The following KAZN variants were observed in gnomAD, a reference collection of about 807,000 sequenced individuals.
KAZN encodes the protein kazrin, periplakin interacting protein.
In KAZN, 40 loss-of-function variants were observed where a neutral mutation model predicts 87.4. The ratio of observed to expected loss-of-function variants is 0.46; its 90% CI spans 0.36 to 0.60. The LOEUF is 0.60. Among genes scored for constraint, KAZN ranks in the 20% least tolerant of loss-of-function variants. The pLI is 0.00. For synonymous variants in KAZN, 466 were observed against 458.3 expected (o/e 1.02, Z -0.22); for missense variants, 898 against 1,073.9 (o/e 0.84, Z 2.29).
At chr1:14,054,862 T>C (rs1293178322) in intron 1 of KAZN, among the ~76,000 whole-genome samples, 1 of 152,170 alleles carries the variant, frequency 6.6e-6, no homozygotes, top group African/African-American at 2.4e-5. Context: ...AGGAGACAAA[T>C]TATTTTAATG....
intron 2 of KAZN, among the ~76,000 whole-genome samples, chr1:14,264,918 T>G (rs1412885885): frequency 2.0e-5 from 3 of 152,236 alleles, no homozygotes; most frequent in African/African-American, 7.2e-5. Context: ...TTGTTACATC[T>G]GCAAAGTCTC....
At chr1:14,017,476 A>T (rs114446657) in intron 1 of KAZN, among the ~76,000 whole-genome samples, 2,692 of 152,316 alleles carry the variant, frequency 0.018, 82 homozygotes, top group African/African-American at 0.062. Context: ...GTTCTTTTCT[A>T]TGACCCAGTG....
At chr1:14,837,824 G>A (rs1363772833) in intron 1 of KAZN, among the ~76,000 whole-genome samples, 1 of 151,914 alleles carries the variant, frequency 6.6e-6, no homozygotes, top group Non-Finnish European at 1.5e-5. Context: ...CAAAGTGCTG[G>A]GATTACAGGC....
intron 1 of KAZN, among the ~76,000 whole-genome samples, chr1:13,976,317 A>C (rs1417459715): frequency 2.6e-5 from 4 of 152,208 alleles, no homozygotes; most frequent in Admixed American, 2.0e-4. Flanking sequence ...TTAATAAGTC[A>C]ATCTGTCCTT....
intron 2 of KAZN, among the ~76,000 whole-genome samples, chr1:14,513,450 C>A (rs1351522103): frequency 2.0e-5 from 3 of 152,168 alleles, no homozygotes; most frequent in Non-Finnish European, 4.4e-5. Context: ...CAAAACCCAA[C>A]AAGCTTGTGT....
At chr1:14,048,220 T>C (rs1361108884) in intron 1 of KAZN, among the ~76,000 whole-genome samples, 1 of 152,190 alleles carries the variant, frequency 6.6e-6, no homozygotes, top group African/African-American at 2.4e-5. Context: ...GGAGGAATTC[T>C]CATCAATTCC....
chr1:14,418,909 G>T (rs1454048960), intron 2 of KAZN, among the ~76,000 whole-genome samples: 1 of 152,210 alleles, frequency 6.6e-6, no homozygotes, highest in African/African-American at 2.4e-5. Flanking sequence ...CAGAAATGAT[G>T]GCTGGATGGG....
In KAZN at chr1:14,458,483, A is replaced by C. The variant is rs570750504; in HGVS notation, c.250-140500A>C. On this transcript the variant is annotated intron_variant, in intron 2 of 16. Coordinates refer to the KAZN transcript ENST00000636203. ...GTAATCTTGGCCAGTGCTATGACAAACAGCAATGGTAATGGTGGTTATTCT... is the reference window on the plus strand; with the variant it reads ...GTAATCTTGGCCAGTGCTATGACAACCAGCAATGGTAATGGTGGTTATTCT... 2.6e-5 allele frequency among the ~76,000 whole-genome samples: 4 copies of C among 152,204 alleles called. No homozygotes were observed. In the South Asian group the frequency reaches 8.3e-4, roughly 32 times the overall value.
chr1:14,609,960 G>A (rs1557834672), intron 1 of KAZN, among the ~76,000 whole-genome samples: 1 of 152,248 alleles, frequency 6.6e-6, no homozygotes, highest in Non-Finnish European at 1.5e-5. Flanking sequence ...GCTGGGTGAA[G>A]TCTGACCTTC....
chr1:14,402,592 C>G (rs745971008), intron 2 of KAZN, among the ~76,000 whole-genome samples: 7 of 152,102 alleles, frequency 4.6e-5, no homozygotes, highest in Non-Finnish European at 1.0e-4. Context: ...ATGTTATAAT[C>G]AAAGTCCTGA....
chr1:14,528,358 A>AAG (rs1672022069), intron 2 of KAZN, among the ~76,000 whole-genome samples: 1 of 142,652 alleles, frequency 7.0e-6, no homozygotes, highest in Non-Finnish European at 1.5e-5. Flanking sequence ...AAAAAAAAAA[A>AAG]AAAGAAAGAA....
At chr1:14,267,683 C>A (rs945277444) in intron 2 of KAZN, among the ~76,000 whole-genome samples, 9 of 152,106 alleles carry the variant, frequency 5.9e-5, no homozygotes, top group African/African-American at 2.2e-4. Flanking sequence ...CCCAGAAAAG[C>A]TATAATGTGT....
At chr1:14,640,084 G>C (rs776708171) in intron 1 of KAZN, among the ~76,000 whole-genome samples, 17 of 152,196 alleles carry the variant, frequency 1.1e-4, no homozygotes, top group Non-Finnish European at 2.4e-4. Context: ...CTCTGGGTTT[G>C]TTGGGCCTGA....
chr1:14,597,347 T>C (rs1333016561), upstream of KAZN, among the ~76,000 whole-genome samples: 2 of 152,146 alleles, frequency 1.3e-5, no homozygotes, highest in Non-Finnish European at 2.9e-5. Context: ...AGACTGTTTT[T>C]ATGGTTCCAC....
intron 3 of KAZN, among the ~76,000 whole-genome samples, chr1:15,037,108 A>C (rs1573135498): frequency 7.1e-6 from 1 of 140,778 alleles, no homozygotes; most frequent in Non-Finnish European, 1.5e-5. Flanking sequence ...TTCTGTGTCC[A>C]CCTCTCTCAT....
intron 1 of KAZN, among the ~76,000 whole-genome samples, chr1:14,931,187 A>T (rs1242552309): frequency 6.6e-6 from 1 of 152,104 alleles, no homozygotes; most frequent in African/African-American, 2.4e-5. Context: ...CTGTAGTCCC[A>T]GCACTTTGGG....
chr1:14,530,084 G>T (rs180812232), intron 2 of KAZN, among the ~76,000 whole-genome samples: 2 of 152,122 alleles, frequency 1.3e-5, no homozygotes, highest in African/African-American at 4.8e-5. Flanking sequence ...TACTGGAATC[G>T]CAGGGGCCAG....
chr1:15,009,816 C>T (rs894710973), intron 2 of KAZN, among the ~76,000 whole-genome samples: 2 of 152,150 alleles, frequency 1.3e-5, no homozygotes, highest in African/African-American at 2.4e-5. Context: ...ATTCATCAAC[C>T]CATGGCCAAT....
chr1:14,898,566 C>A (rs1024768122), intron 1 of KAZN, among the ~76,000 whole-genome samples: 1 of 152,130 alleles, frequency 6.6e-6, no homozygotes, highest in Non-Finnish European at 1.5e-5. Flanking sequence ...AAGGAGCAAG[C>A]AATTTCAGGC....
Sources: allele counts gnomAD v4.1 joint callset (sites outside exome capture counted in the v4.1 genomes callset), GRCh38; gene constraint gnomAD v4.1.1; transcripts MANE v1.5; gene names NCBI Gene and HGNC (gene_info 2026-07-23, HGNC 2026-07-21).